Variants in ABL2 observed in about 807,000 individuals in gnomAD.
ABL2 encodes ABL proto-oncogene 2, non-receptor tyrosine kinase.
A neutral mutation model predicts 107.7 loss-of-function variants in ABL2; 49 were observed. That is an observed-to-expected ratio of 0.45 (90% confidence interval 0.36 to 0.58). The LOEUF (loss-of-function observed/expected upper bound fraction) is 0.58, where lower values mean the gene tolerates loss of function less well. ABL2 is among the 20% of genes least tolerant of loss of function. The pLI is 0.00. For synonymous variants in ABL2, 549 were observed against 548.6 expected (o/e 1.00, Z -0.01); for missense variants, 1,245 against 1,457.0 (o/e 0.85, Z 2.37).
intron 1 of ABL2, among the ~76,000 whole-genome samples, chr1:179,212,181 TGG>T (rs1212449781): frequency 6.6e-6 from 1 of 152,152 alleles, no homozygotes; most frequent in African/African-American, 2.4e-5. Context: ...GAGAACAGCA[TGG>T]GAGAAACTGC....
intron 1 of ABL2, among the ~76,000 whole-genome samples, chr1:179,140,538 C>T (rs1018436502): frequency 6.6e-6 from 1 of 152,112 alleles, no homozygotes; most frequent in African/African-American, 2.4e-5. Flanking sequence ...TTTATGAGGA[C>T]CAGGATTGTT....
rs575991432 is a variant in ABL2, at chr1:179,156,500, T to C, written c.158-23126A>G. Among the ~76,000 whole-genome samples the C allele has an allele frequency of 2.7e-3, 418 of 152,340 alleles. 1 individual carries two copies. The highest frequency in any genetic ancestry group is 9.0e-3 in the African/African-American group (375 of 41,576). On this transcript the variant is annotated intron_variant, in intron 1 of 11. Transcript: ENST00000502732. Reference sequence around the variant, plus strand: ...GTCCCTGTGCTTTCACTGCTGAACATCATTTTTCTCCAGCTTCAAACAAGA... The same window carrying C: ...GTCCCTGTGCTTTCACTGCTGAACACCATTTTTCTCCAGCTTCAAACAAGA...
chr1:179,193,777 G>C (rs973580292), intron 1 of ABL2, among the ~76,000 whole-genome samples: 6 of 152,092 alleles, frequency 3.9e-5, no homozygotes, highest in Non-Finnish European at 5.9e-5. Flanking sequence ...TGTCGCCCAG[G>C]CTGGAGTGCA....
chr1:179,174,568 A>ATACATATATATACATATATATGTATGTG, intron 1 of ABL2, among the ~76,000 whole-genome samples: 1 of 149,858 alleles, frequency 6.7e-6, no homozygotes, highest in Non-Finnish European at 1.5e-5. Flanking sequence ...ATATGTATGT[A>ATACATATATATACATATATATGTATGTG]TGTATATATG....
chr1:179,110,646 G>T, intron 10 of ABL2, 191 bp from the exon 11 acceptor site: 1 of 1,528,504 alleles, frequency 6.5e-7, no homozygotes, highest in Middle Eastern at 1.9e-4. Flanking sequence ...ATTCGTCCAC[G>T]CTGCTGCATG....
rs1434454009 is a variant in ABL2, at chr1:179,131,459, A to C, written c.243T>G (p.Gly81=). The change falls in exon 3 of 12, where the codon GGT becomes GGG. Residue 81 remains glycine, a synonymous_variant. Transcript: ENST00000502732. ...TTAGTGCCTGGGGTTCAACATCACA[A>C]CCATAGGGACGATGCAAAGCTTCTG... is the stretch of plus-strand genomic sequence containing the variant. ...SSPEALHRPY[G]CDVEPQALNE... 6.2e-7 allele frequency: 1 copy of C among 1,614,072 alleles called. No homozygotes were observed.
chr1:179,136,777 A>C (rs909364226), intron 1 of ABL2, among the ~76,000 whole-genome samples: 1 of 151,536 alleles, frequency 6.6e-6, no homozygotes, highest in Non-Finnish European at 1.5e-5. Context: ...TTAGCCAGGC[A>C]TGGTGGCACA....
intron 1 of ABL2, among the ~76,000 whole-genome samples, chr1:179,155,820 C>T (rs1328545603): frequency 4.0e-5 from 6 of 151,582 alleles, no homozygotes; most frequent in African/African-American, 1.5e-4. Context: ...TATGACTGGA[C>T]AATTTCCATC....
At position 179,107,661 on chromosome 1, in the gene ABL2, A is replaced by C. The variant is rs957133159; in HGVS notation, c.*57T>G. 1.3e-6 allele frequency: 2 copies of C among 1,529,212 alleles called. No homozygotes were observed. The highest frequency in any genetic ancestry group is 2.1e-5 in the Admixed American group (1 of 47,128). The allele number at this position is 1,529,212 out of a possible 1,614,324, so 94.7% of individuals were successfully genotyped here. On this transcript the variant is annotated 3_prime_UTR_variant, in exon 12 of 12. Transcript: ENST00000502732. ...CTGAAAACAAGAACACAGGAAAACA[A>C]GTCCTTTTCCCTCTCCCCTCAGAAA...
chr1:179,126,466 T>C lies in ABL2; in HGVS notation c.598A>G (p.Ser200Gly). ...LINGSFLVRE[S>G]ESSPGQLSIS... ...GACAGCTGCCCAGGGCTACTCTCAC[T>C]TTCTCGCACCAGGAAGCTGCCATTG... The change falls in exon 4 of 12, where the codon AGT becomes GGT. Residue 200 changes from serine to glycine, a missense_variant. Ser to Gly is a moderately conservative substitution (Grantham distance 56). Transcript: ENST00000502732. This position sits in a 1 kb window ranked among gnomAD's most constrained non-coding sequence, Gnocchi z 4.4. The C allele has an allele frequency of 6.2e-7, 1 of 1,614,206 alleles. No individual in the cohort carries two copies. The highest frequency in any genetic ancestry group is 8.5e-7 in the Non-Finnish European group (1 of 1,180,034).
intron 1 of ABL2, among the ~76,000 whole-genome samples, chr1:179,193,250 A>G (rs953789047): frequency 6.6e-6 from 1 of 152,228 alleles, no homozygotes; most frequent in Non-Finnish European, 1.5e-5. Flanking sequence ...ACTACCAGAA[A>G]AAGTGGCCAA....
At chr1:179,167,758 T>C (rs566169294) in intron 1 of ABL2, among the ~76,000 whole-genome samples, 2 of 152,298 alleles carry the variant, frequency 1.3e-5, no homozygotes, top group East Asian at 3.9e-4. Context: ...GGTGGGAAGA[T>C]CACTTGAGGC....
chr1:179,198,260 G>A (rs1397746998), intron 1 of ABL2, among the ~76,000 whole-genome samples: 10 of 151,896 alleles, frequency 6.6e-5, no homozygotes, highest in Non-Finnish European at 1.0e-4. Context: ...GGTAAAGAGG[G>A]AGAGAATACG....
chr1:179,141,307 T>C (rs977458524), intron 1 of ABL2, among the ~76,000 whole-genome samples: 11 of 151,134 alleles, frequency 7.3e-5, no homozygotes, highest in African/African-American at 2.7e-4. Context: ...AAAAAAAAAT[T>C]AGATTAATAG....
Position 179,114,934 on chromosome 1 carries a change from T to C in ABL2, c.1505A>G (p.Tyr502Cys). 2.5e-6 allele frequency: 4 copies of C among 1,612,698 alleles called. No individual in the cohort carries two copies. Among genetic ancestry groups the C allele is most frequent in the Non-Finnish European group, 3.4e-6 (4 of 1,179,468 alleles). The change falls in exon 9 of 12, where the codon TAT (tyrosine) becomes TGT (cysteine). Residue 502 changes from tyrosine (Y) to cysteine (C), a missense_variant. Physicochemically the swap from Tyr to Cys is radical, Grantham distance 194. Transcript: ENST00000502732. ...GCATCCCTCAGGCTGTTCCATTCGATATCCTTTTTCTAGTAGGTCATAGAC... is the reference window on the plus strand; with the variant it reads ...GCATCCCTCAGGCTGTTCCATTCGACATCCTTTTTCTAGTAGGTCATAGAC... ...SQVYDLLEKG[Y>C]RMEQPEGCPP... is the part of the protein sequence containing the mutation.
intron 1 of ABL2, among the ~76,000 whole-genome samples, chr1:179,186,193 C>T (rs1170613606): frequency 5.3e-5 from 8 of 151,694 alleles, no homozygotes; most frequent in Admixed American, 3.3e-4. Flanking sequence ...TACAGTGAGC[C>T]GAGATGGCAT....
chr1:179,177,130 C>A (rs979986257), intron 1 of ABL2, among the ~76,000 whole-genome samples: 1 of 152,090 alleles, frequency 6.6e-6, no homozygotes, highest in South Asian at 2.1e-4. Flanking sequence ...TAATTTAACA[C>A]CCTAGCCTAG....
intron 1 of ABL2, among the ~76,000 whole-genome samples, chr1:179,153,160 A>G (rs1658466992): frequency 6.6e-6 from 1 of 152,190 alleles, no homozygotes; most frequent in Non-Finnish European, 1.5e-5. Flanking sequence ...ATACTTTCTA[A>G]ACCAAAATAA....
intron 1 of ABL2, among the ~76,000 whole-genome samples, chr1:179,189,245 C>T (rs903939024): frequency 6.6e-6 from 1 of 152,138 alleles, no homozygotes; most frequent in African/African-American, 2.4e-5. Flanking sequence ...AAGTGATTCT[C>T]CTGTCTCAGC....
Sources: allele counts gnomAD v4.1 joint callset (sites outside exome capture counted in the v4.1 genomes callset), GRCh38; gene constraint gnomAD v4.1.1; non-coding constraint Gnocchi (gnomAD v3.1); transcripts MANE v1.5; gene names NCBI Gene and HGNC (gene_info 2026-07-23, HGNC 2026-07-21).